FANCM: variants seen among roughly 807,000 people sequenced by gnomAD.
FANCM encodes the protein FA complementation group M.
Under a neutral mutation model 199.5 loss-of-function variants are expected in FANCM, and 140 were observed. That is an observed-to-expected ratio of 0.70 (90% confidence interval 0.61 to 0.81). FANCM has a LOEUF of 0.81. Ranked by LOEUF, FANCM falls within the 30% of genes least tolerant of loss-of-function variation. FANCM has a pLI of 0.00. For missense variants in FANCM, 2,410 were observed against 2,421.4 expected, an observed-to-expected ratio of 1.00 and a Z score of 0.10; for synonymous variants, 840 against 836.8, an observed-to-expected ratio of 1.00 and a Z score of -0.07.
intron 7 of FANCM, 140 bp from the exon 8 acceptor site, chr14:45,155,233 A>C (rs1887094908): frequency 1.9e-6 from 1 of 536,318 alleles, no homozygotes; most frequent in Non-Finnish European, 3.3e-6. Flanking sequence ...TGCTACCTAG[A>C]TGTTACCTCT....
chr14:45,179,280 G>A (rs536623913), intron 14 of FANCM, among the ~76,000 whole-genome samples: 1 of 152,142 alleles, frequency 6.6e-6, no homozygotes, highest in East Asian at 1.9e-4. Context: ...TTTTTAAGGA[G>A]GTCTTAACAA....
rs766162770 is a variant in FANCM, at chr14:45,200,016, G to A, written c.*8G>A. On this transcript the variant is annotated 3_prime_UTR_variant, in exon 23 of 23. Coordinates refer to ENST00000267430, the MANE Select transcript of FANCM (RefSeq NM_020937.4). Reference sequence around the variant, plus strand: ...CTGAAATCTGATATATAATCAAGCTGCTCAAGATGGGGTTTTCAAAGACCT... The same window carrying A: ...CTGAAATCTGATATATAATCAAGCTACTCAAGATGGGGTTTTCAAAGACCT... 4.4e-6 allele frequency: 7 copies of A among 1,601,764 alleles called. No individual in the cohort carries two copies.
Position 45,200,078 on chromosome 14 carries a change from TTTTATG to T in FANCM, c.*76_*81del. The T allele has an allele frequency of 3.2e-6, 3 of 950,398 alleles. No homozygotes were observed. In the South Asian group the frequency reaches 5.2e-5, roughly 16 times the overall value. 58.9% of individuals were successfully genotyped at this position (950,398 alleles called of 1,614,324 possible). A position where few individuals can be genotyped will look rare whatever the true frequency, so the allele number is the denominator to read the frequency against. On this transcript the variant is annotated 3_prime_UTR_variant, in exon 23 of 23. Coordinates refer to ENST00000267430, the MANE Select transcript of FANCM (RefSeq NM_020937.4). ...AAATGCACTTCAATAATCATTGCTG[TTTTATG>T]TTTATTTGTAAATAAGAGAATATTT... is the stretch of plus-strand genomic sequence containing the variant.
chr14:45,142,423 C>T (rs1208322236), intron 3 of FANCM, among the ~76,000 whole-genome samples: 3 of 151,848 alleles, frequency 2.0e-5, no homozygotes, highest in South Asian at 4.2e-4. Flanking sequence ...TCTCCTGCCT[C>T]AGCCTCCTGA....
In FANCM at chr14:45,175,357, AAG is replaced by A. The variant is rs753179766; in HGVS notation, c.2605_2606del (p.Glu869LysfsTer2). 1 of 1,561,778 alleles carries A rather than the reference AAG, an allele frequency of 6.4e-7. No homozygotes were observed. Among genetic ancestry groups the A allele is most frequent in the Non-Finnish European group, 8.7e-7 (1 of 1,153,338 alleles). On this transcript the variant is annotated frameshift_variant, in exon 14 of 23. Coordinates refer to ENST00000267430, the MANE Select transcript of FANCM (RefSeq NM_020937.4). LOFTEE classifies it high-confidence loss of function. ...GAAATAAAAAAAGATCAGCTTAAAA[AAG>A]AAAATAATCACGGTATTATAGATTC...
chr14:45,166,904 A>G (rs549254980), intron 10 of FANCM, 46 bp from the exon 11 acceptor site: 5 of 1,075,922 alleles, frequency 4.6e-6, no homozygotes, highest in African/African-American at 3.2e-5. Flanking sequence ...ATAAATTGTT[A>G]TTTATAAAAG....
chr14:45,165,200 A>G (rs1405116603), intron 10 of FANCM, among the ~76,000 whole-genome samples: 1 of 152,194 alleles, frequency 6.6e-6, no homozygotes, highest in East Asian at 1.9e-4. Context: ...ACTTATCGAG[A>G]CTAGTTCAGC....
chr14:45,191,201 C>G (rs1889745729), intron 20 of FANCM, among the ~76,000 whole-genome samples: 1 of 152,110 alleles, frequency 6.6e-6, no homozygotes, highest in South Asian at 2.1e-4. Flanking sequence ...GAGTAATTTC[C>G]CAGGGAAAGA....
At position 45,200,121 on chromosome 14, in the gene FANCM, TTTATA is replaced by T; in HGVS notation, c.*116_*120del. 2.2e-6 allele frequency: 1 copy of T among 456,258 alleles called. No individual in the cohort carries two copies. Among genetic ancestry groups the T allele is most frequent in the Admixed American group, 4.4e-5 (1 of 22,554 alleles). 28.3% of individuals were successfully genotyped at this position (456,258 alleles called of 1,614,324 possible). ...ATAAGAGAATATTTTATTTAAATAT[TTTATA>T]TTGTATACATTTTTATTTATAGATT... On this transcript the variant is annotated 3_prime_UTR_variant, in exon 23 of 23. Transcript: ENST00000267430.
At position 45,135,935 on chromosome 14, in the gene FANCM, GT is replaced by G; in HGVS notation, c.-93del. The G allele has an allele frequency of 7.3e-7, 1 of 1,361,390 alleles. No homozygotes were observed. 84.3% of individuals were successfully genotyped at this position (1,361,390 alleles called of 1,614,324 possible). A position where few individuals can be genotyped will look rare whatever the true frequency, so the allele number is the denominator to read the frequency against. ...CTTAGTCCCGCCTTCTCGTTCCAGAGTTTTGTGCGAAGGAAACCGATGGGGA... is the reference window on the plus strand; with the variant it reads ...CTTAGTCCCGCCTTCTCGTTCCAGAGTTTGTGCGAAGGAAACCGATGGGGA... On this transcript the variant is annotated 5_prime_UTR_variant, in exon 1 of 23. Transcript: ENST00000267430.
At chr14:45,192,642 CA>C (rs200261457) in intron 20 of FANCM, among the ~76,000 whole-genome samples, 6 of 149,764 alleles carry the variant, frequency 4.0e-5, no homozygotes, top group Non-Finnish European at 7.4e-5. Flanking sequence ...GACTCCATCT[CA>C]AAAAAAAAGA....
rs757049446 is a variant in FANCM at position 45,188,996 on chromosome 14, A to G, written c.4974A>G (p.Ala1658=). ...MLKEMMEQNC[A]HSKKKLSRII... ...AAGAAATGATGGAACAAAATTGTGC[A>G]CATTCAAAAAAGAAATTATCCAGAA... The change falls in exon 20 of 23, where the codon GCA becomes GCG. Residue 1658 remains alanine, a synonymous_variant. Transcript: ENST00000267430. 1 of 1,614,090 alleles carries G rather than the reference A, an allele frequency of 6.2e-7. No homozygotes were observed. Among genetic ancestry groups the G allele is most frequent in the Non-Finnish European group, 8.5e-7 (1 of 1,179,944 alleles).
chr14:45,196,369 A>C lies in FANCM; in HGVS notation c.5538A>C (p.Glu1846Asp), dbSNP rs1416312500. ...GAGCAATTCATGGGTTGCAAGTAGA[A>C]GTTTGTCCTCTTAATGGCTGTGATT... ...SLRAIHGLQVEVCPLNGCDYI... is the reference protein window; with the variant it reads ...SLRAIHGLQVDVCPLNGCDYI... Residue 1846 changes from glutamate to aspartate, a missense_variant, in exon 21 of 23, where the codon GAA becomes GAC. Coordinates refer to ENST00000267430, the MANE Select transcript of FANCM (RefSeq NM_020937.4). 1 of 1,614,140 alleles carries C rather than the reference A, an allele frequency of 6.2e-7. No homozygotes were observed. Among genetic ancestry groups the C allele is most frequent in the African/African-American group, 1.3e-5 (1 of 75,056 alleles).
intron 14 of FANCM, among the ~76,000 whole-genome samples, chr14:45,181,190 A>G (rs1275047376): frequency 6.6e-6 from 1 of 152,220 alleles, no homozygotes; most frequent in East Asian, 1.9e-4. Flanking sequence ...ATTGAACTTC[A>G]TTCAAATATG....
intron 7 of FANCM, 65 bp from the exon 8 acceptor site, chr14:45,155,308 T>G (rs1036884139): frequency 4.3e-6 from 3 of 702,758 alleles, no homozygotes; most frequent in Non-Finnish European, 7.6e-6. Context: ...AACTTTCATA[T>G]ACATTAGTGT....
intron 17 of FANCM, among the ~76,000 whole-genome samples, chr14:45,184,660 C>CAA (rs776110476): frequency 4.8e-5 from 3 of 62,130 alleles, no homozygotes; most frequent in African/African-American, 6.1e-5. Context: ...GACTCTGTCT[C>CAA]AAAAAAAAAA....
intron 22 of FANCM, among the ~76,000 whole-genome samples, chr14:45,199,354 C>T (rs1480382531): frequency 6.6e-6 from 1 of 152,172 alleles, no homozygotes; most frequent in East Asian, 1.9e-4. Flanking sequence ...TGTCTTAGCT[C>T]ATGCTGCAAT....
chr14:45,155,308 T>C, intron 7 of FANCM, 65 bp from the exon 8 acceptor site: 1 of 702,758 alleles, frequency 1.4e-6, no homozygotes, highest in South Asian at 1.6e-5. Flanking sequence ...AACTTTCATA[T>C]ACATTAGTGT....
intron 20 of FANCM, among the ~76,000 whole-genome samples, chr14:45,192,010 A>G (rs544709544): frequency 6.6e-6 from 1 of 152,172 alleles, no homozygotes; most frequent in South Asian, 2.1e-4. Flanking sequence ...CTTTAGGGCC[A>G]TTTCCTCCTT....
Sources: allele counts gnomAD v4.1 joint callset (sites outside exome capture counted in the v4.1 genomes callset), GRCh38; gene constraint gnomAD v4.1.1; transcripts MANE v1.5; gene names NCBI Gene and HGNC (gene_info 2026-07-23, HGNC 2026-07-21).